Variants in DENND5A observed in about 807,000 individuals in gnomAD.
The protein encoded by DENND5A is DENN domain-containing protein 5A.
A neutral mutation model predicts 140.3 loss-of-function variants in DENND5A; 64 were observed. The observed-to-expected ratio is 0.46, with a 90% CI of 0.37 to 0.56. DENND5A has a LOEUF of 0.56. Among genes scored for constraint, DENND5A ranks in the 20% least tolerant of loss-of-function variants. The probability of loss-of-function intolerance (pLI) is 0.00; values close to 1 mark genes in which losing one functional copy is unlikely to be tolerated. For missense variants in DENND5A, 1,292 were observed against 1,593.8 expected, an observed-to-expected ratio of 0.81 and a Z score of 3.22; for synonymous variants, 605 against 607.7, an observed-to-expected ratio of 1.00 and a Z score of 0.07.
chr11:9,252,569 C>G (rs1851776428), intron 1 of DENND5A, among the ~76,000 whole-genome samples: 1 of 151,996 alleles, frequency 6.6e-6, no homozygotes, highest in South Asian at 2.1e-4. Context: ...ATTGCTTGAA[C>G]CTTGGAGGCG....
intron 10 of DENND5A, among the ~76,000 whole-genome samples, chr11:9,168,091 G>A (rs1278879199): frequency 1.8e-5 from 2 of 110,348 alleles, no homozygotes; most frequent in Admixed American, 9.7e-5. Context: ...TAACCTCAGT[G>A]ATTTTTTTTT....
At chr11:9,238,917 C>T (rs573834794) in intron 1 of DENND5A, among the ~76,000 whole-genome samples, 3 of 150,960 alleles carry the variant, frequency 2.0e-5, no homozygotes, top group East Asian at 2.0e-4. Context: ...TTGCAATTTC[C>T]GCCTCCTGGG....
At chr11:9,235,581 C>T (rs1242522075) in intron 1 of DENND5A, among the ~76,000 whole-genome samples, 1 of 151,858 alleles carries the variant, frequency 6.6e-6, no homozygotes, top group Admixed American at 6.6e-5. Flanking sequence ...TTGTTTGAAC[C>T]CAGGAGATGG....
In DENND5A at chr11:9,180,942, T is replaced by C; in HGVS notation, c.1280A>G (p.His427Arg). The stretch of plus-strand genomic sequence containing the variant: ...CAGCTTGGAGGCACTCTCACTGCAA[T>C]GAAGATTCCCTTCAGGGGGAATTCC... ...AFGIPPEGNL[H>R]CSESASKLKR... The change falls in exon 6 of 23, where the codon CAT becomes CGT. Residue 427 changes from histidine (H) to arginine (R), a missense_variant. Coordinates refer to ENST00000328194, the MANE Select transcript of DENND5A (RefSeq NM_015213.4). 3.1e-6 allele frequency: 5 copies of C among 1,614,152 alleles called. No individual in the cohort carries two copies. Among genetic ancestry groups the C allele is most frequent in the Non-Finnish European group, 4.2e-6 (5 of 1,180,034 alleles).
chr11:9,265,178 G>A lies in DENND5A; in HGVS notation c.-109C>T, dbSNP rs1852393418. On this transcript the variant is annotated 5_prime_UTR_variant, in exon 1 of 23. Coordinates refer to ENST00000328194, the MANE Select transcript of DENND5A (RefSeq NM_015213.4). The surrounding 1 kb of genome is among the most constrained non-coding windows in gnomAD (Gnocchi z 4.7). Reference sequence around the variant, plus strand: ...CGCCCCTCCCGCCGCCGCCGCTACCGCGGCTCGGGCCGCCGCCCCCGGCCC... The same window carrying A: ...CGCCCCTCCCGCCGCCGCCGCTACCACGGCTCGGGCCGCCGCCCCCGGCCC... 20 of 534,552 alleles carry A rather than the reference G, an allele frequency of 3.7e-5. No individual in the cohort carries two copies. Among genetic ancestry groups the A allele is most frequent in the Non-Finnish European group, 4.8e-5 (20 of 416,374 alleles). 33.1% of individuals were successfully genotyped at this position (534,552 alleles called of 1,614,324 possible).
rs577999212 is a variant in DENND5A at position 9,154,729 on chromosome 11, A to G, written c.2437-2287T>C. ...TATTCATCCAAATAACAAATATTTG[A>G]AAAAAAAAATGTCTAACAACATTAA... On this transcript the variant is annotated intron_variant, in intron 12 of 22. Coordinates refer to ENST00000328194, the MANE Select transcript of DENND5A (RefSeq NM_015213.4). 1.2e-4 allele frequency among the ~76,000 whole-genome samples: 16 copies of G among 137,024 alleles called. No individual in the cohort carries two copies. In the East Asian group the frequency reaches 2.1e-3, roughly 18 times the overall value. The allele number at this position is 137,024 out of a possible 152,430, so 89.9% of individuals were successfully genotyped here. A position where few individuals can be genotyped will look rare whatever the true frequency, so the allele number is the denominator to read the frequency against.
chr11:9,259,598 CAG>C (rs1050950767), intron 1 of DENND5A, among the ~76,000 whole-genome samples: 1 of 151,802 alleles, frequency 6.6e-6, no homozygotes, highest in Non-Finnish European at 1.5e-5. Flanking sequence ...AACAAAAAAA[CAG>C]GGTCTTGCTA....
chr11:9,219,181 C>A (rs78324629), intron 1 of DENND5A, among the ~76,000 whole-genome samples: 3,296 of 152,060 alleles, frequency 0.022, 115 homozygotes, highest in African/African-American at 0.075. Context: ...CCAGAAATGA[C>A]AGGCATGAAC....
chr11:9,192,972 C>T (rs1441114943), intron 5 of DENND5A, among the ~76,000 whole-genome samples: 3 of 152,212 alleles, frequency 2.0e-5, no homozygotes. Flanking sequence ...TGCCTATAAT[C>T]CCAACACTTT....
chr11:9,239,814 C>T (rs1858906392), intron 1 of DENND5A, among the ~76,000 whole-genome samples: 1 of 152,102 alleles, frequency 6.6e-6, no homozygotes, highest in Admixed American at 6.6e-5. Flanking sequence ...GGATGACCTT[C>T]ATGTTTCTTT....
At chr11:9,237,409 T>C (rs968066446) in intron 1 of DENND5A, among the ~76,000 whole-genome samples, 5 of 151,110 alleles carry the variant, frequency 3.3e-5, no homozygotes, top group African/African-American at 1.2e-4. Flanking sequence ...GCAGTAAGAG[T>C]GAAACTCCGT....
chr11:9,259,394 T>TA (rs1319826364), intron 1 of DENND5A, among the ~76,000 whole-genome samples: 215 of 137,394 alleles, frequency 1.6e-3, no homozygotes, highest in African/African-American at 4.9e-3. Context: ...CCATCTCTAC[T>TA]AAAAAAAAAA....
intron 17 of DENND5A, 122 bp from the exon 18 acceptor site, chr11:9,145,235 GGT>G: frequency 1.3e-6 from 1 of 744,156 alleles, no homozygotes; most frequent in Non-Finnish European, 2.4e-6. Context: ...CAGGCTTAGA[GGT>G]CATGGCTCTA....
At chr11:9,263,282 G>T (rs987269178) in intron 1 of DENND5A, among the ~76,000 whole-genome samples, 2 of 151,060 alleles carry the variant, frequency 1.3e-5, no homozygotes, top group Non-Finnish European at 2.9e-5. Flanking sequence ...CCAGACTGGC[G>T]CAATCTCAGC....
intron 20 of DENND5A, 67 bp downstream of exon 20, chr11:9,143,336 T>C: frequency 1.4e-6 from 2 of 1,381,716 alleles, no homozygotes; most frequent in South Asian, 1.2e-5. Flanking sequence ...AACAAGATAA[T>C]CGGAAAAACA....
chr11:9,221,908 C>T lies in DENND5A; in HGVS notation c.110-14276G>A, dbSNP rs536008377. Among the ~76,000 whole-genome samples the T allele has an allele frequency of 5.9e-4, 90 of 152,120 alleles. 1 individual carries two copies. Among genetic ancestry groups the T allele is most frequent in the Admixed American group, 1.3e-3 (20 of 15,262 alleles). On this transcript the variant is annotated intron_variant, in intron 1 of 22. Coordinates refer to ENST00000328194, the MANE Select transcript of DENND5A (RefSeq NM_015213.4). ...AAATAGCTGGAACTACAGGTGCATGCCACCACGCCCGGCTAATTTTTTATA... is the reference window on the plus strand; with the variant it reads ...AAATAGCTGGAACTACAGGTGCATGTCACCACGCCCGGCTAATTTTTTATA...
Position 9,146,830 on chromosome 11 carries a change from T to C in DENND5A, c.2857+200A>G, listed in dbSNP as rs1847447093. 3 of 562,618 alleles carry C rather than the reference T, an allele frequency of 5.3e-6. No homozygotes were observed. The East Asian group carries it at 9.4e-5, about 18-fold the overall frequency. 34.9% of individuals were successfully genotyped at this position (562,618 alleles called of 1,614,324 possible). On this transcript the variant is annotated intron_variant, in intron 16 of 22. Coordinates refer to ENST00000328194, the MANE Select transcript of DENND5A (RefSeq NM_015213.4). The stretch of plus-strand genomic sequence containing the variant: ...TGGCAAAAAAGACTGAGCTCTCCAG[T>C]TCAGAACAAGAATGAGAAACTTCAG...
chr11:9,265,135 G>T lies in DENND5A; in HGVS notation c.-66C>A. On this transcript the variant is annotated 5_prime_UTR_variant, in exon 1 of 23. Coordinates refer to ENST00000328194, the MANE Select transcript of DENND5A (RefSeq NM_015213.4). The surrounding 1 kb of genome is among the most constrained non-coding windows in gnomAD (Gnocchi z 4.7). Reference sequence around the variant, plus strand: ...CCGAGCCCCCGCAACCCGGGCGCCCGCCCGTCCGCCCTCAGGCCGCCCCTC... The same window carrying T: ...CCGAGCCCCCGCAACCCGGGCGCCCTCCCGTCCGCCCTCAGGCCGCCCCTC... The T allele has an allele frequency of 1.0e-6, 1 of 965,126 alleles. No homozygotes were observed. The highest frequency in any genetic ancestry group is 1.3e-6 in the Non-Finnish European group (1 of 781,238). 59.8% of individuals were successfully genotyped at this position (965,126 alleles called of 1,614,324 possible).
At position 9,206,802 on chromosome 11, in the gene DENND5A, G is replaced by A; in HGVS notation, c.182-20C>T. On this transcript the variant is annotated intron_variant, in intron 2 of 22. Transcript: ENST00000328194. ...TTTCTCCTGTAAGAAAAAGAATGAA[G>A]TAAATCATTTCTACAAAATCCCTTT... 1.3e-6 allele frequency: 2 copies of A among 1,528,268 alleles called. No homozygotes were observed. The highest frequency in any genetic ancestry group is 1.8e-6 in the Non-Finnish European group (2 of 1,102,128). 94.7% of individuals were successfully genotyped at this position (1,528,268 alleles called of 1,614,324 possible).
Sources: gnomAD v4.1 joint callset for allele counts (sites outside exome capture counted in the v4.1 genomes callset) on GRCh38, gnomAD v4.1.1 for gene constraint, Gnocchi (gnomAD v3.1) non-coding constraint, MANE v1.5 for transcripts, NCBI Gene and HGNC (gene_info 2026-07-23, HGNC 2026-07-21) for gene names.